WLS: variants seen among roughly 807,000 people sequenced by gnomAD.
WLS encodes protein wntless homolog.
In WLS, 23 loss-of-function variants were observed where a neutral mutation model predicts 62.8. The ratio of observed to expected loss-of-function variants is 0.37; its 90% CI spans 0.26 to 0.52. The LOEUF is 0.52. WLS is among the 20% of genes least tolerant of loss of function. The pLI is 0.92. For missense variants in WLS, 615 were observed against 697.3 expected, an observed-to-expected ratio of 0.88 and a Z score of 1.33; for synonymous variants, 246 against 244.1, an observed-to-expected ratio of 1.01 and a Z score of -0.07.
intron 10 of WLS, among the ~76,000 whole-genome samples, chr1:68,143,633 G>A (rs774186372): frequency 6.6e-6 from 1 of 152,150 alleles, no homozygotes; most frequent in Non-Finnish European, 1.5e-5. Context: ...TGTAGCCTAG[G>A]AGCAATAGGT....
chr1:68,227,407 A>G (rs1471353406), intron 1 of WLS, among the ~76,000 whole-genome samples: 1 of 12,724 alleles, frequency 7.9e-5, no homozygotes, highest in Non-Finnish European at 3.0e-4. Context: ...CTCCGTCACA[A>G]AAAAAAAAAA....
chr1:68,146,139 G>A (rs1454197202), intron 8 of WLS, 127 bp from the exon 9 acceptor site: 2 of 1,063,074 alleles, frequency 1.9e-6, no homozygotes, highest in African/African-American at 1.6e-5. Flanking sequence ...TTTTCAAGGG[G>A]ATAAAATATT....
chr1:68,197,281 T>C (rs1648719136), intron 1 of WLS, among the ~76,000 whole-genome samples: 1 of 151,998 alleles, frequency 6.6e-6, no homozygotes. Context: ...GCCTGCATTA[T>C]TTTCATCCTC....
intron 2 of WLS, among the ~76,000 whole-genome samples, chr1:68,176,886 G>T (rs12034358): frequency 0.13 from 19,240 of 152,204 alleles, 1,262 homozygotes; most frequent in Middle Eastern, 0.19. Flanking sequence ...TGAGCCTGCA[G>T]AGGAGATGCA....
chr1:68,194,660 G>C (rs149575381), intron 1 of WLS, among the ~76,000 whole-genome samples: 3 of 152,236 alleles, frequency 2.0e-5, no homozygotes, highest in Non-Finnish European at 4.4e-5. Flanking sequence ...AGTGAATCTT[G>C]GGTAAGTCAG....
chr1:68,114,256 C>T (rs1003919811), intron 11 of WLS, among the ~76,000 whole-genome samples: 3 of 152,126 alleles, frequency 2.0e-5, no homozygotes, highest in Non-Finnish European at 2.9e-5. Context: ...TAGAGGGACT[C>T]GGAGACTGCC....
intron 2 of WLS, among the ~76,000 whole-genome samples, chr1:68,161,478 C>T (rs565067836): frequency 0.021 from 3,248 of 152,272 alleles, 64 homozygotes; most frequent in Non-Finnish European, 0.033. Context: ...GGAAAAAGCT[C>T]TATTTATTCT....
At chr1:68,151,789 G>T in intron 5 of WLS, among the ~76,000 whole-genome samples, 1 of 152,102 alleles carries the variant, frequency 6.6e-6, no homozygotes, top group East Asian at 1.9e-4. Flanking sequence ...AATCATCAAG[G>T]GGCTTATAGG....
intron 1 of WLS, among the ~76,000 whole-genome samples, chr1:68,203,184 C>G (rs927927155): frequency 6.6e-6 from 1 of 152,148 alleles, no homozygotes; most frequent in Non-Finnish European, 1.5e-5. Flanking sequence ...TCGAATCCAC[C>G]TAGTTAACAA....
chr1:68,173,888 T>A (rs998969250), intron 2 of WLS, among the ~76,000 whole-genome samples: 3 of 151,542 alleles, frequency 2.0e-5, no homozygotes, highest in African/African-American at 7.3e-5. Flanking sequence ...AATAAATGAG[T>A]TTTTTCCCCC....
intron 6 of WLS, 128 bp downstream of exon 6, chr1:68,150,060 C>A (rs1646805299): frequency 1.0e-6 from 1 of 973,252 alleles, no homozygotes; most frequent in Non-Finnish European, 1.5e-6. Flanking sequence ...CTCCAGAGTT[C>A]CCACTTGTAA....
intron 11 of WLS, among the ~76,000 whole-genome samples, chr1:68,135,195 C>T (rs1179100459): frequency 6.6e-6 from 1 of 151,746 alleles, no homozygotes; most frequent in African/African-American, 2.4e-5. Context: ...GGTTAGAGTA[C>T]AGTGGTACAA....
intron 11 of WLS, among the ~76,000 whole-genome samples, chr1:68,101,792 G>C (rs187670933): frequency 7.9e-5 from 12 of 152,106 alleles, no homozygotes; most frequent in South Asian, 2.1e-4. Context: ...CAAAATACAC[G>C]CTTATAAACA....
At chr1:68,204,968 CCTGAA>C (rs1649222144) in intron 1 of WLS, among the ~76,000 whole-genome samples, 1 of 152,230 alleles carries the variant, frequency 6.6e-6, no homozygotes, top group Non-Finnish European at 1.5e-5. Context: ...GTCCTCCAGA[CCTGAA>C]CTGAACTATT....
chr1:68,157,522 C>T (rs1646915971), intron 3 of WLS, among the ~76,000 whole-genome samples: 1 of 152,042 alleles, frequency 6.6e-6, no homozygotes, highest in Non-Finnish European at 1.5e-5. Flanking sequence ...CCCAGTTCTC[C>T]CCCAACTCCA....
In WLS at chr1:68,187,189, C is replaced by CAAAAAAAAA. The variant is rs34130992; in HGVS notation, c.379+6757_379+6765dup. On this transcript the variant is annotated intron_variant, in intron 2 of 11. Coordinates refer to ENST00000262348, the MANE Select transcript of WLS (RefSeq NM_024911.7). ...GGGGGACAGAGCAAGACTCCATCTC[C>CAAAAAAAAA]AAAAAAAAAAAAAAAAAAAAAATTA... Among the ~76,000 whole-genome samples the CAAAAAAAAA allele has an allele frequency of 8.4e-4, 48 of 57,146 alleles. 1 individual carries two copies. Among genetic ancestry groups the CAAAAAAAAA allele is most frequent in the African/African-American group, 1.9e-3 (26 of 13,382 alleles). 37.5% of individuals were successfully genotyped at this position (57,146 alleles called of 152,430 possible).
chr1:68,214,617 G>A (rs191278864), intron 1 of WLS, among the ~76,000 whole-genome samples: 1 of 152,246 alleles, frequency 6.6e-6, no homozygotes, highest in Non-Finnish European at 1.5e-5. Flanking sequence ...CCAAAGTGCT[G>A]GGACCACAGG....
At chr1:68,180,225 C>A (rs2419659) in intron 2 of WLS, among the ~76,000 whole-genome samples, 24,672 of 151,478 alleles carry the variant, frequency 0.16, 2,264 homozygotes, top group East Asian at 0.34. Context: ...TAGAGGCAAC[C>A]TTTTCATCAG....
At chr1:68,222,981 G>A (rs946556100) in intron 1 of WLS, among the ~76,000 whole-genome samples, 39 of 152,110 alleles carry the variant, frequency 2.6e-4, no homozygotes, top group African/African-American at 8.7e-4. Flanking sequence ...ATATCCCAGA[G>A]ACCCCTGAAT....
Sources: gnomAD v4.1 joint callset for allele counts (sites outside exome capture counted in the v4.1 genomes callset) on GRCh38, gnomAD v4.1.1 for gene constraint, MANE v1.5 for transcripts, NCBI Gene and HGNC (gene_info 2026-07-23, HGNC 2026-07-21) for gene names.